HPSE2: variants seen among roughly 807,000 people sequenced by gnomAD.
HPSE2 encodes the protein heparanase 2 (inactive), also known as inactive heparanase-2.
A neutral mutation model predicts 60.5 loss-of-function variants in HPSE2; 38 were observed. The ratio of observed to expected loss-of-function variants is 0.63; its 90% CI spans 0.48 to 0.82. HPSE2 has a LOEUF of 0.82. HPSE2 is among the 40% of genes least tolerant of loss of function. The probability of loss-of-function intolerance (pLI) is 0.00; values close to 1 mark genes in which losing one functional copy is unlikely to be tolerated. For missense variants in HPSE2, 713 were observed against 740.4 expected (o/e 0.96, Z 0.43); for synonymous variants, 295 against 293.2 (o/e 1.01, Z -0.06).
intron 4 of HPSE2, among the ~76,000 whole-genome samples, chr10:98,727,170 A>G (rs533228564): frequency 3.3e-5 from 5 of 152,312 alleles, no homozygotes; most frequent in Admixed American, 3.3e-4. Context: ...GACCTATGGT[A>G]TGGAAGTACA....
chr10:99,035,631 C>G (rs1386854750), intron 3 of HPSE2, among the ~76,000 whole-genome samples: 1 of 152,170 alleles, frequency 6.6e-6, no homozygotes, highest in Non-Finnish European at 1.5e-5. Flanking sequence ...TACTTTTATA[C>G]AAGTGGCAGC....
At chr10:98,692,538 G>A (rs546500929) in intron 6 of HPSE2, among the ~76,000 whole-genome samples, 74 of 152,266 alleles carry the variant, frequency 4.9e-4, no homozygotes, top group African/African-American at 1.7e-3. Flanking sequence ...GGAGGCCGAG[G>A]TGGGTGGATC....
chr10:99,100,544 C>T (rs1017858567), intron 3 of HPSE2, among the ~76,000 whole-genome samples: 35 of 152,188 alleles, frequency 2.3e-4, no homozygotes, highest in African/African-American at 7.2e-4. Flanking sequence ...ACGGGGAGAA[C>T]GGAACCAAGT....
At chr10:98,815,794 T>A (rs1951272965) in intron 3 of HPSE2, among the ~76,000 whole-genome samples, 1 of 151,978 alleles carries the variant, frequency 6.6e-6, no homozygotes, top group South Asian at 2.1e-4. Flanking sequence ...CACGTCCTCT[T>A]CTCCCTATCG....
chr10:99,131,289 G>T (rs1845374966), intron 3 of HPSE2, among the ~76,000 whole-genome samples: 2 of 152,122 alleles, frequency 1.3e-5, no homozygotes, highest in Admixed American at 1.3e-4. Flanking sequence ...ATTCCTTAAA[G>T]AACTAAAAGC....
At chr10:98,504,439 G>A (rs1027203371) in intron 9 of HPSE2, among the ~76,000 whole-genome samples, 1 of 151,916 alleles carries the variant, frequency 6.6e-6, no homozygotes, top group East Asian at 1.9e-4. Context: ...CAGACTATAT[G>A]TAACTTACAT....
chr10:98,764,853 C>T (rs372777094), intron 3 of HPSE2, among the ~76,000 whole-genome samples: 12 of 151,932 alleles, frequency 7.9e-5, no homozygotes, highest in East Asian at 5.8e-4. Context: ...AGCCAGAGAG[C>T]CAGACTCCGT....
At chr10:98,764,478 G>A (rs7068451) in intron 3 of HPSE2, among the ~76,000 whole-genome samples, 500 of 152,264 alleles carry the variant, frequency 3.3e-3, no homozygotes, top group African/African-American at 0.011. Context: ...GTACAAACTT[G>A]TTAGATTTGA....
chr10:98,545,454 C>G (rs1300677564), intron 9 of HPSE2, among the ~76,000 whole-genome samples: 1 of 152,158 alleles, frequency 6.6e-6, no homozygotes, highest in Non-Finnish European at 1.5e-5. Flanking sequence ...AGCTTATCCA[C>G]CATGATCAAG....
chr10:98,841,900 G>A (rs755021497), intron 3 of HPSE2, among the ~76,000 whole-genome samples: 8 of 151,406 alleles, frequency 5.3e-5, no homozygotes, highest in South Asian at 2.1e-4. Context: ...TCTGCCTCCC[G>A]GGTTCAAGCA....
chr10:98,959,379 A>G (rs1955590594), intron 3 of HPSE2, among the ~76,000 whole-genome samples: 1 of 147,090 alleles, frequency 6.8e-6, no homozygotes. Context: ...AAAAAAAAAA[A>G]GGCCAGTGGA....
intron 3 of HPSE2, among the ~76,000 whole-genome samples, chr10:99,094,741 G>A (rs1287566020): frequency 2.0e-5 from 3 of 150,248 alleles, no homozygotes; most frequent in Admixed American, 2.0e-4. Flanking sequence ...ATTTTTAGTA[G>A]AGGCAGGGTT....
intron 9 of HPSE2, among the ~76,000 whole-genome samples, chr10:98,518,916 T>C (rs1373468511): frequency 6.6e-6 from 1 of 151,838 alleles, no homozygotes; most frequent in Non-Finnish European, 1.5e-5. Context: ...GGATAAATAA[T>C]AGGGAAACAA....
At chr10:98,499,428 A>G (rs919164147) in intron 9 of HPSE2, among the ~76,000 whole-genome samples, 1 of 152,184 alleles carries the variant, frequency 6.6e-6, no homozygotes, top group Non-Finnish European at 1.5e-5. Flanking sequence ...GGAAAAATAC[A>G]GTCTTTTTCA....
intron 9 of HPSE2, among the ~76,000 whole-genome samples, chr10:98,553,736 C>T (rs144411403): frequency 1.3e-5 from 2 of 152,266 alleles, no homozygotes; most frequent in East Asian, 3.9e-4. Flanking sequence ...AAAGCCTCTC[C>T]AGTGTCACAA....
chr10:98,926,202 C>T (rs1315364003), intron 3 of HPSE2, among the ~76,000 whole-genome samples: 1 of 152,130 alleles, frequency 6.6e-6, no homozygotes, highest in Non-Finnish European at 1.5e-5. Flanking sequence ...TATAAAGCCA[C>T]AAATGCGTGC....
chr10:98,803,358 T>G (rs28817102), intron 3 of HPSE2, among the ~76,000 whole-genome samples: 4,223 of 146,438 alleles, frequency 0.029, 106 homozygotes, highest in Non-Finnish European at 0.035. Context: ...GGCTTTTGTT[T>G]CCATTGCTTT....
At chr10:99,305,694 A>C in the HPSE2 span, among the ~76,000 whole-genome samples, 2 of 152,076 alleles carry the variant, frequency 1.3e-5, no homozygotes, top group Non-Finnish European at 2.9e-5. Context: ...CAGATATTGG[A>C]GTTAGCAGAC....
At position 98,562,083 on chromosome 10, in the gene HPSE2, T is replaced by C. The variant is rs899201619; in HGVS notation, c.1320+52821A>G. ...TACCATTTTTTAATCTTTTATACCA[T>C]ATTTTCCCGTACCTTTTCTATGTTT... is the stretch of plus-strand genomic sequence containing the variant. On this transcript the variant is annotated intron_variant, in intron 9 of 11. Coordinates refer to ENST00000370552, the MANE Select transcript of HPSE2 (RefSeq NM_021828.5). Among the ~76,000 whole-genome samples, 27 of 36,218 alleles carry C rather than the reference T, an allele frequency of 7.5e-4. 1 individual carries two copies. In the Admixed American group the frequency reaches 0.012, roughly 16 times the overall value. The allele number at this position is 36,218 out of a possible 152,430, so 23.8% of individuals were successfully genotyped here.
Sources: gnomAD v4.1 joint callset for allele counts (sites outside exome capture counted in the v4.1 genomes callset) on GRCh38, gnomAD v4.1.1 for gene constraint, MANE v1.5 for transcripts, NCBI Gene and HGNC (gene_info 2026-07-23, HGNC 2026-07-21) for gene names.